Variants in CNTN4 observed in about 807,000 individuals in gnomAD.
CNTN4 encodes contactin 4, also known as contactin-4.
Under a neutral mutation model 122.5 loss-of-function variants are expected in CNTN4, and 77 were observed. That is an observed-to-expected ratio of 0.63 (90% confidence interval 0.52 to 0.76). The LOEUF (loss-of-function observed/expected upper bound fraction) is 0.76, where lower values mean the gene tolerates loss of function less well. CNTN4 is among the 30% of genes least tolerant of loss of function. CNTN4 has a pLI of 0.00. For synonymous variants in CNTN4, 512 were observed against 447.0 expected (o/e 1.15, Z -1.83); for missense variants, 1,256 against 1,259.1 (o/e 1.00, Z 0.04).
At chr3:2,367,048 C>T (rs907405507) in intron 3 of CNTN4, among the ~76,000 whole-genome samples, 1 of 151,688 alleles carries the variant, frequency 6.6e-6, no homozygotes, top group African/African-American at 2.4e-5. Flanking sequence ...TATATTGAAC[C>T]TTCATTTTCT....
intron 13 of CNTN4, among the ~76,000 whole-genome samples, chr3:2,934,572 T>TG (rs1447407261): frequency 3.3e-5 from 5 of 152,228 alleles, no homozygotes; most frequent in Admixed American, 3.3e-4. Flanking sequence ...GATGGAATCC[T>TG]GGTGTGGAAA....
In CNTN4 at chr3:2,925,630, T is replaced by A. The variant is rs374153823; in HGVS notation, c.1209T>A (p.Ala403=). 6.2e-7 allele frequency: 1 copy of A among 1,613,736 alleles called. No homozygotes were observed. Among genetic ancestry groups the A allele is most frequent in the Non-Finnish European group, 8.5e-7 (1 of 1,179,688 alleles). Residue 403 remains alanine (A), a splice_region_variant and synonymous_variant, in exon 13 of 25, where the codon GCT becomes GCA. Coordinates refer to ENST00000418658, the MANE Select transcript of CNTN4 (RefSeq NM_175607.3). ...ATTATTTTTTGTACTGTCTTTCAGC[T>A]GTAGGTCCAGATTTTTCAAGAACAC... ...IFSNAELSVI[A]VGPDFSRTLL... is the part of the protein sequence containing the mutation.
At chr3:2,430,588 G>A (rs1356333784) in intron 3 of CNTN4, among the ~76,000 whole-genome samples, 1 of 129,734 alleles carries the variant, frequency 7.7e-6, no homozygotes, top group Non-Finnish European at 1.6e-5. Flanking sequence ...TTTGTTTGCT[G>A]TGTCAGTTTT....
At position 3,056,153 on chromosome 3, in the gene CNTN4, C is replaced by T. The variant is rs753714750; in HGVS notation, c.3014C>T (p.Ser1005Leu). 2.0e-5 allele frequency: 32 copies of T among 1,613,984 alleles called. No individual in the cohort carries two copies. Among genetic ancestry groups the T allele is most frequent in the East Asian group, 4.5e-5 (2 of 44,898 alleles). Residue 1005 changes from serine to leucine, a missense_variant, in exon 25 of 25, where the codon TCG (serine) becomes TTG (leucine). Coordinates refer to ENST00000418658, the MANE Select transcript of CNTN4 (RefSeq NM_175607.3). ...AYARGSGASTSNACTLSAIST... is the reference protein window; with the variant it reads ...AYARGSGASTLNACTLSAIST... Reference sequence around the variant, plus strand: ...GCGAGAGGATCTGGGGCTTCCACTTCGAATGCATGTACGCTGTCAGCCATC... The same window carrying T: ...GCGAGAGGATCTGGGGCTTCCACTTTGAATGCATGTACGCTGTCAGCCATC...
intron 4 of CNTN4, among the ~76,000 whole-genome samples, chr3:2,579,368 G>A (rs555034063): frequency 6.6e-6 from 1 of 152,290 alleles, no homozygotes; most frequent in African/African-American, 2.4e-5. Flanking sequence ...CAAAGCTTGA[G>A]GATGACGGGA....
intron 3 of CNTN4, among the ~76,000 whole-genome samples, chr3:2,441,610 A>G (rs1018795798): frequency 6.6e-6 from 1 of 152,198 alleles, no homozygotes; most frequent in African/African-American, 2.4e-5. Flanking sequence ...CCTGCAGTGG[A>G]TTCGACTGTG....
At chr3:2,917,206 C>T (rs984731086) in intron 12 of CNTN4, among the ~76,000 whole-genome samples, 2 of 151,382 alleles carry the variant, frequency 1.3e-5, no homozygotes, top group African/African-American at 4.9e-5. Flanking sequence ...CAGGCTGAGG[C>T]AGGAGAATCA....
chr3:2,617,419 C>CTTTTT (rs71058631), intron 4 of CNTN4, among the ~76,000 whole-genome samples: 1,525 of 108,410 alleles, frequency 0.014, 79 homozygotes, highest in Non-Finnish European at 0.016. Context: ...AGAGAAATGC[C>CTTTTT]TTTTTTTTTT....
chr3:2,732,090 C>T (rs1296102522), intron 4 of CNTN4, among the ~76,000 whole-genome samples: 1 of 152,138 alleles, frequency 6.6e-6, no homozygotes, highest in Non-Finnish European at 1.5e-5. Flanking sequence ...CTAAAATTAC[C>T]TCTCTAAATC....
intron 6 of CNTN4, among the ~76,000 whole-genome samples, chr3:2,813,437 T>C (rs1472177787): frequency 1.3e-5 from 2 of 152,212 alleles, no homozygotes; most frequent in Non-Finnish European, 2.9e-5. Context: ...TTGCATTAAA[T>C]AATACATGTA....
intron 4 of CNTN4, among the ~76,000 whole-genome samples, chr3:2,575,167 T>G (rs1185152755): frequency 6.6e-6 from 1 of 152,022 alleles, no homozygotes; most frequent in Admixed American, 6.6e-5. Context: ...TGTTAAATTA[T>G]CATATGTATC....
At position 2,298,786 on chromosome 3, in the gene CNTN4, T is replaced by C. The variant is rs867765835; in HGVS notation, c.-144-40392T>C. Reference sequence around the variant, plus strand: ...GTGGCATATATGTGTAGATTAAGCATGGAATGAGTATTGTTTTAAAATTAA... The same window carrying C: ...GTGGCATATATGTGTAGATTAAGCACGGAATGAGTATTGTTTTAAAATTAA... On this transcript the variant is annotated intron_variant, in intron 2 of 24. Transcript: ENST00000418658. 6.6e-5 allele frequency among the ~76,000 whole-genome samples: 10 copies of C among 151,978 alleles called. No individual in the cohort carries two copies. The Middle Eastern group carries it at 0.024, about 364-fold the overall frequency.
At chr3:2,348,663 A>C (rs62244020) in intron 3 of CNTN4, among the ~76,000 whole-genome samples, 19,351 of 152,010 alleles carry the variant, frequency 0.13, 1,533 homozygotes, top group Non-Finnish European at 0.18. Context: ...GTGGTCATTG[A>C]TCTATATTAG....
rs56014308 is a variant in CNTN4, at chr3:2,287,711, G to GGAAGAAGAAGAAGAAGAA, written c.-144-51417_-144-51400dup. ...AAGAAGAGGAAGAAGAAGAAGAAGAGGAAGAAGAAGAAGAAGAAGAAGAAG... is the reference window on the plus strand; with the variant it reads ...AAGAAGAGGAAGAAGAAGAAGAAGAGGAAGAAGAAGAAGAAGAAGAAGAAGAAGAAGAAGAAGAAGAAG... On this transcript the variant is annotated intron_variant, in intron 2 of 24. Coordinates refer to ENST00000418658, the MANE Select transcript of CNTN4 (RefSeq NM_175607.3). Among the ~76,000 whole-genome samples, 12 of 65,420 alleles carry GGAAGAAGAAGAAGAAGAA rather than the reference G, an allele frequency of 1.8e-4. 1 individual carries two copies. The highest frequency in any genetic ancestry group is 6.7e-4 in the African/African-American group (11 of 16,364). The allele number at this position is 65,420 out of a possible 152,430, so 42.9% of individuals were successfully genotyped here. A position where few individuals can be genotyped will look rare whatever the true frequency, so the allele number is the denominator to read the frequency against.
chr3:3,034,214 C>G (rs945341932), intron 16 of CNTN4, among the ~76,000 whole-genome samples: 1 of 152,152 alleles, frequency 6.6e-6, no homozygotes, highest in Non-Finnish European at 1.5e-5. Context: ...AGACTATACT[C>G]TTTATGAAAT....
chr3:2,658,055 G>A (rs541309049), intron 4 of CNTN4, among the ~76,000 whole-genome samples: 25 of 148,046 alleles, frequency 1.7e-4, no homozygotes, highest in African/African-American at 4.0e-4. Flanking sequence ...GATACTGTGC[G>A]AAGTGAACTA....
At chr3:2,763,368 G>T (rs2090686760) in intron 6 of CNTN4, among the ~76,000 whole-genome samples, 1 of 152,152 alleles carries the variant, frequency 6.6e-6, no homozygotes, top group South Asian at 2.1e-4. Flanking sequence ...GTTCCTTATA[G>T]ATGCTAGATA....
intron 3 of CNTN4, among the ~76,000 whole-genome samples, chr3:2,524,536 C>G (rs2077332535): frequency 6.6e-6 from 1 of 151,968 alleles, no homozygotes; most frequent in African/African-American, 2.4e-5. Context: ...TAAATTTTAG[C>G]AACACTGAAA....
At chr3:2,975,176 A>G (rs907818363) in intron 13 of CNTN4, among the ~76,000 whole-genome samples, 1 of 152,210 alleles carries the variant, frequency 6.6e-6, no homozygotes, top group African/African-American at 2.4e-5. Flanking sequence ...TTCAACAAGT[A>G]AAATTAGAAA....
Sources: allele counts gnomAD v4.1 joint callset (sites outside exome capture counted in the v4.1 genomes callset), GRCh38; gene constraint gnomAD v4.1.1; transcripts MANE v1.5; gene names NCBI Gene and HGNC (gene_info 2026-07-23, HGNC 2026-07-21).